Variants in UBXN2B observed in about 807,000 individuals in gnomAD.
UBXN2B encodes the protein UBX domain-containing protein 2B.
Under a neutral mutation model 37.5 loss-of-function variants are expected in UBXN2B, and 19 were observed. That is an observed-to-expected ratio of 0.51 (90% CI 0.35 to 0.74). UBXN2B has a LOEUF of 0.74. Ranked by LOEUF, UBXN2B falls within the 30% of genes least tolerant of loss-of-function variation. The pLI, the probability that UBXN2B is intolerant of heterozygous loss-of-function variation, is 0.01. For synonymous variants in UBXN2B, 145 were observed against 143.8 expected (o/e 1.01, Z -0.06); for missense variants, 370 against 393.2 (o/e 0.94, Z 0.50).
intron 1 of UBXN2B, 109 bp downstream of exon 1, chr8:58,411,578 AC>A: frequency 2.2e-6 from 2 of 926,614 alleles, no homozygotes; most frequent in Non-Finnish European, 1.4e-6. Flanking sequence ...CCTTTCCCCG[AC>A]CCCGTCTGGG....
Position 58,450,775 on chromosome 8 carries a change from C to G in UBXN2B, c.*3224C>G, listed in dbSNP as rs565316604. 1 of 152,292 alleles carries G rather than the reference C, an allele frequency of 6.6e-6. No individual in the cohort carries two copies. Among genetic ancestry groups the G allele is most frequent in the African/African-American group, 2.4e-5 (1 of 41,550 alleles). The allele number at this position is 152,292 out of a possible 1,614,324, so 9.4% of individuals were successfully genotyped here. On this transcript the variant is annotated 3_prime_UTR_variant, in exon 8 of 8. Transcript: ENST00000399598. ...ATATGGTACTAGATTTGGAATTCAC[C>G]TTTCTCCAGGGTCACTGTTTATTTC... is the stretch of plus-strand genomic sequence containing the variant.
intron 5 of UBXN2B, among the ~76,000 whole-genome samples, chr8:58,435,717 G>A (rs908073051): frequency 9.2e-5 from 14 of 152,148 alleles, no homozygotes; most frequent in African/African-American, 3.4e-4. Context: ...CACAAACTTT[G>A]TAGGCTAATG....
At chr8:58,436,613 G>A (rs140748211) in intron 5 of UBXN2B, among the ~76,000 whole-genome samples, 3 of 152,344 alleles carry the variant, frequency 2.0e-5, no homozygotes, top group African/African-American at 7.2e-5. Context: ...TGTGGGAGGT[G>A]TTTGGATCAT....
chr8:58,435,217 GA>G, intron 5 of UBXN2B: 7 of 1,021,430 alleles, frequency 6.9e-6, no homozygotes, highest in Non-Finnish European at 7.6e-6. Flanking sequence ...TATATAACCA[GA>G]GTTATATATA....
chr8:58,443,142 C>A (rs956771870), intron 6 of UBXN2B, among the ~76,000 whole-genome samples: 1 of 152,170 alleles, frequency 6.6e-6, no homozygotes, highest in Non-Finnish European at 1.5e-5. Flanking sequence ...CCCTCCTCGA[C>A]CCCTGCCCCT....
intron 5 of UBXN2B, 34 bp downstream of exon 5, chr8:58,434,538 T>C: frequency 7.0e-7 from 1 of 1,434,960 alleles, no homozygotes; most frequent in Non-Finnish European, 9.4e-7. Context: ...ATTTGTTATG[T>C]AGAGTGGGAC....
intron 5 of UBXN2B, chr8:58,435,232 G>A (rs566963346): frequency 1.5e-4 from 124 of 818,902 alleles, no homozygotes; most frequent in Middle Eastern, 1.0e-3. Context: ...ATATATACAG[G>A]GTTATACTCC....
intron 2 of UBXN2B, among the ~76,000 whole-genome samples, chr8:58,423,743 G>GTT (rs35749261): frequency 1.9e-4 from 28 of 147,490 alleles, no homozygotes; most frequent in Non-Finnish European, 2.7e-4. Flanking sequence ...CCGGGGATGG[G>GTT]TTTTTTTTTT....
chr8:58,433,093 A>G (rs1202410489), intron 3 of UBXN2B, 67 bp from the exon 4 acceptor site: 36 of 1,282,920 alleles, frequency 2.8e-5, no homozygotes, highest in Non-Finnish European at 3.9e-5. Context: ...TTTAAAATAC[A>G]TATCACATAA....
chr8:58,429,012 G>A (rs1585606679), intron 2 of UBXN2B, among the ~76,000 whole-genome samples: 1 of 152,162 alleles, frequency 6.6e-6, no homozygotes, highest in South Asian at 2.1e-4. Flanking sequence ...ATTTCTGGAA[G>A]AAAATAGAAT....
At position 58,446,072 on chromosome 8, in the gene UBXN2B, A is replaced by T; in HGVS notation, c.833+4A>T. On this transcript the variant is annotated splice_donor_region_variant and intron_variant, in intron 7 of 7. Transcript: ENST00000399598. The stretch of plus-strand genomic sequence containing the variant: ...AAAGATTCAATAGTACACACAGGTA[A>T]GCTTCTTTACCAACAGTGTCCTGTT... The T allele has an allele frequency of 6.2e-7, 1 of 1,604,686 alleles. No individual in the cohort carries two copies. The highest frequency in any genetic ancestry group is 8.5e-7 in the Non-Finnish European group (1 of 1,176,902).
At chr8:58,419,664 G>A (rs528985711) in intron 2 of UBXN2B, among the ~76,000 whole-genome samples, 1 of 152,338 alleles carries the variant, frequency 6.6e-6, no homozygotes, top group East Asian at 1.9e-4. Context: ...ACTTAGCTGG[G>A]CCTTAAAAGG....
Position 58,416,857 on chromosome 8 carries a change from T to G in UBXN2B, c.92T>G (p.Leu31Trp). Residue 31 changes from leucine (L) to tryptophan (W), a missense_variant, in exon 2 of 8, where the codon TTG (leucine) becomes TGG (tryptophan). Around this residue, in one of 3 missense-constraint regions of UBXN2B, gnomAD observed 197 missense variants for 170.2 expected, o/e 1.16. Coordinates refer to ENST00000399598, the MANE Select transcript of UBXN2B (RefSeq NM_001077619.2). ...AAGCCTGTTATTATGTAGTTGGCCT[T>G]GGCAGAATTGTATGAAGATGAAGTG... ...PPSARDLQLALAELYEDEVKC... is the reference protein window; with the variant it reads ...PPSARDLQLAWAELYEDEVKC... 1 of 1,611,920 alleles carries G rather than the reference T, an allele frequency of 6.2e-7. No individual in the cohort carries two copies. The highest frequency in any genetic ancestry group is 1.1e-5 in the South Asian group (1 of 90,908).
intron 2 of UBXN2B, among the ~76,000 whole-genome samples, chr8:58,429,302 G>T (rs932251678): frequency 4.6e-5 from 7 of 152,110 alleles, no homozygotes; most frequent in Non-Finnish European, 7.3e-5. Context: ...TGTGTTTGTC[G>T]TCGCTCCCTA....
chr8:58,418,372 T>C (rs944156875), intron 2 of UBXN2B, among the ~76,000 whole-genome samples: 1 of 152,194 alleles, frequency 6.6e-6, no homozygotes, highest in African/African-American at 2.4e-5. Flanking sequence ...GCATTGCATT[T>C]AATTATTCCT....
intron 1 of UBXN2B, among the ~76,000 whole-genome samples, chr8:58,416,468 AT>A (rs992006863): frequency 3.9e-5 from 6 of 152,126 alleles, no homozygotes; most frequent in African/African-American, 1.2e-4. Context: ...GAATGAAACT[AT>A]TTTATGAGAT....
At chr8:58,431,537 C>T (rs1160356742) in intron 3 of UBXN2B, among the ~76,000 whole-genome samples, 1 of 152,142 alleles carries the variant, frequency 6.6e-6, no homozygotes. Context: ...CAATTGGGTA[C>T]AGGTTTTTTT....
At chr8:58,439,099 G>A (rs1399692010) in intron 5 of UBXN2B, among the ~76,000 whole-genome samples, 1 of 152,102 alleles carries the variant, frequency 6.6e-6, no homozygotes, top group African/African-American at 2.4e-5. Flanking sequence ...TAAGTTTCCC[G>A]AGGTCTCACC....
In UBXN2B at chr8:58,425,736, G is replaced by A. The variant is rs1339089208; in HGVS notation, c.189-4783G>A. 1.7e-5 allele frequency: 20 copies of A among 1,164,684 alleles called. 1 individual carries two copies. The South Asian group carries it at 2.4e-4, about 14-fold the overall frequency. 72.1% of individuals were successfully genotyped at this position (1,164,684 alleles called of 1,614,324 possible). A position where few individuals can be genotyped will look rare whatever the true frequency, so the allele number is the denominator to read the frequency against. On this transcript the variant is annotated intron_variant, in intron 2 of 7. Transcript: ENST00000399598. ...GTCGTGTTAAGGGGCTACGTGAGTT[G>A]TAGTACTGTACCCCATGTTTCCATC...
Sources: allele counts gnomAD v4.1 joint callset (sites outside exome capture counted in the v4.1 genomes callset), GRCh38; gene constraint gnomAD v4.1.1; regional missense constraint gnomAD v4.1.1; transcripts MANE v1.5; gene names NCBI Gene and HGNC (gene_info 2026-07-23, HGNC 2026-07-21).